MARCHF1: variants seen among roughly 807,000 people sequenced by gnomAD.
The protein encoded by MARCHF1 is membrane associated ring-CH-type finger 1, also known as E3 ubiquitin-protein ligase MARCHF1.
In MARCHF1, 40 loss-of-function variants were observed where a neutral mutation model predicts 54.2. The ratio of observed to expected loss-of-function variants is 0.74; its 90% CI spans 0.57 to 0.96. The LOEUF (loss-of-function observed/expected upper bound fraction) is 0.96. Among genes scored for constraint, MARCHF1 ranks in the 40% least tolerant of loss-of-function variants. The pLI, the probability that MARCHF1 is intolerant of heterozygous loss-of-function variation, is 0.00. For missense variants in MARCHF1, 586 were observed against 656.5 expected (o/e 0.89, Z 1.17); for synonymous variants, 236 against 236.3 (o/e 1.00, Z 0.01).
intron 1 of MARCHF1, among the ~76,000 whole-genome samples, chr4:164,132,087 C>T (rs1756312223): frequency 6.6e-6 from 1 of 152,034 alleles, no homozygotes; most frequent in South Asian, 2.1e-4. Context: ...CCTGTAGCTG[C>T]CTGTTAGCTA....
intron 5 of MARCHF1, among the ~76,000 whole-genome samples, chr4:163,628,638 T>C (rs1257509116): frequency 6.6e-6 from 1 of 152,206 alleles, no homozygotes; most frequent in Non-Finnish European, 1.5e-5. Flanking sequence ...TGATTTTATA[T>C]TTAGAAAACC....
At chr4:163,774,030 A>G (rs924807113) in intron 4 of MARCHF1, among the ~76,000 whole-genome samples, 12 of 152,190 alleles carry the variant, frequency 7.9e-5, no homozygotes, top group Non-Finnish European at 1.3e-4. Flanking sequence ...AAGAATGCAC[A>G]TACAATTGTC....
chr4:164,215,981 A>C (rs1036397795), intron 1 of MARCHF1, among the ~76,000 whole-genome samples: 3 of 152,220 alleles, frequency 2.0e-5, no homozygotes, highest in Admixed American at 1.3e-4. Flanking sequence ...TAGGAAAAAT[A>C]TTATTTCTGT....
chr4:164,302,790 A>C (rs1318087839), intron 1 of MARCHF1, among the ~76,000 whole-genome samples: 8 of 150,322 alleles, frequency 5.3e-5, no homozygotes. Context: ...AATCACTTGA[A>C]CCTGGGAGGT....
chr4:164,195,308 C>T (rs1038935149), intron 1 of MARCHF1, among the ~76,000 whole-genome samples: 49 of 151,854 alleles, frequency 3.2e-4, no homozygotes, highest in Non-Finnish European at 1.5e-4. Flanking sequence ...CAATTTTACA[C>T]GTAAGATCTC....
intron 4 of MARCHF1, among the ~76,000 whole-genome samples, chr4:163,835,941 C>G (rs1034473702): frequency 6.6e-6 from 1 of 152,124 alleles, no homozygotes; most frequent in African/African-American, 2.4e-5. Flanking sequence ...GTCTTCATCT[C>G]AGCTTCTCCA....
intron 4 of MARCHF1, among the ~76,000 whole-genome samples, chr4:163,747,805 C>CATTTAGAG (rs1224649934): frequency 6.6e-6 from 1 of 152,100 alleles, no homozygotes; most frequent in Non-Finnish European, 1.5e-5. Context: ...ATAACAAAGA[C>CATTTAGAG]ATTTAGAGAC....
At chr4:163,656,327 A>G (rs561431768) in intron 5 of MARCHF1, among the ~76,000 whole-genome samples, 2 of 152,202 alleles carry the variant, frequency 1.3e-5, no homozygotes, top group South Asian at 4.1e-4. Flanking sequence ...AAATTCCTAG[A>G]CACATATACC....
intron 2 of MARCHF1, among the ~76,000 whole-genome samples, chr4:164,038,924 T>C (rs1754068066): frequency 6.6e-6 from 1 of 152,106 alleles, no homozygotes; most frequent in Non-Finnish European, 1.5e-5. Context: ...ACATAATTGA[T>C]GATGAATAAT....
intron 1 of MARCHF1, among the ~76,000 whole-genome samples, chr4:164,184,533 A>C (rs1276237149): frequency 2.0e-5 from 3 of 152,246 alleles, no homozygotes; most frequent in Admixed American, 6.5e-5. Context: ...CTGAAATAAA[A>C]AGGGTTATAC....
intron 4 of MARCHF1, among the ~76,000 whole-genome samples, chr4:163,712,980 A>G (rs1745151169): frequency 6.6e-6 from 1 of 152,146 alleles, no homozygotes; most frequent in African/African-American, 2.4e-5. Context: ...AAAAATCAAC[A>G]CAGCTGAATT....
chr4:164,045,214 T>A (rs980543448), intron 2 of MARCHF1, among the ~76,000 whole-genome samples: 2 of 152,110 alleles, frequency 1.3e-5, no homozygotes, highest in Admixed American at 6.6e-5. Context: ...TCATTCATTT[T>A]AAATTAACGT....
chr4:163,690,470 A>T (rs1336885934), intron 5 of MARCHF1, among the ~76,000 whole-genome samples: 1 of 152,168 alleles, frequency 6.6e-6, no homozygotes, highest in Admixed American at 6.5e-5. Context: ...AAGTCCTTAG[A>T]AACCATGAAG....
chr4:164,000,845 A>C (rs1753172893), intron 2 of MARCHF1, among the ~76,000 whole-genome samples: 1 of 151,676 alleles, frequency 6.6e-6, no homozygotes, highest in Admixed American at 6.6e-5. Flanking sequence ...TATATGGAAT[A>C]GAAACAATAG....
At chr4:163,902,726 C>G (rs1383620615) in intron 3 of MARCHF1, among the ~76,000 whole-genome samples, 1 of 152,168 alleles carries the variant, frequency 6.6e-6, no homozygotes, top group African/African-American at 2.4e-5. Flanking sequence ...ATCTTTGTTT[C>G]TAGAAAGCTT....
intron 1 of MARCHF1, among the ~76,000 whole-genome samples, chr4:164,201,650 A>G (rs1731457827): frequency 6.6e-6 from 1 of 152,192 alleles, no homozygotes; most frequent in African/African-American, 2.4e-5. Flanking sequence ...CTTGTTAACA[A>G]ATTGCATATG....
In MARCHF1 at chr4:164,037,321, T is replaced by C. The variant is rs1442347368; in HGVS notation, c.-247-48612A>G. ...CCACTAGCTTAGGTCATCAAGGAAG[T>C]AAATGTAATTAGAGACAAAAAGTGA... On this transcript the variant is annotated intron_variant, in intron 2 of 9. Coordinates refer to ENST00000514618, the MANE Select transcript of MARCHF1 (RefSeq NM_001394959.1). Among the ~76,000 whole-genome samples the C allele has an allele frequency of 2.0e-5, 3 of 152,138 alleles. No homozygotes were observed. In the South Asian group the frequency reaches 6.2e-4, roughly 32 times the overall value.
intron 2 of MARCHF1, among the ~76,000 whole-genome samples, chr4:164,001,663 T>C (rs1393039994): frequency 1.3e-5 from 2 of 151,872 alleles, no homozygotes; most frequent in African/African-American, 2.4e-5. Flanking sequence ...CTTGACTTGT[T>C]GTAGAGAAGG....
chr4:164,122,466 C>G (rs1376530217), intron 1 of MARCHF1, among the ~76,000 whole-genome samples: 1 of 152,118 alleles, frequency 6.6e-6, no homozygotes, highest in East Asian at 1.9e-4. Context: ...TAGTGCTGAT[C>G]AACTGGAAAG....
Sources: gnomAD v4.1 joint callset for allele counts (sites outside exome capture counted in the v4.1 genomes callset) on GRCh38, gnomAD v4.1.1 for gene constraint, MANE v1.5 for transcripts, NCBI Gene and HGNC (gene_info 2026-07-23, HGNC 2026-07-21) for gene names.